B3GALT1: variants seen among roughly 807,000 people sequenced by gnomAD.
B3GALT1 encodes UDP-Gal:betaGlcNAc beta 1,3-galactosyltransferase, polypeptide 1.
In B3GALT1, 10 loss-of-function variants were observed where a neutral mutation model predicts 23.2. The observed-to-expected ratio is 0.43, with a 90% CI of 0.27 to 0.73. The LOEUF (loss-of-function observed/expected upper bound fraction) is 0.73, where lower values mean the gene tolerates loss of function less well. Ranked by LOEUF, B3GALT1 falls within the 30% of genes least tolerant of loss-of-function variation. B3GALT1 has a pLI of 0.21. For synonymous variants in B3GALT1, 156 were observed against 141.5 expected, an observed-to-expected ratio of 1.10 and a Z score of -0.73; for missense variants, 299 against 405.4, an observed-to-expected ratio of 0.74 and a Z score of 2.25.
chr2:167,654,163 A>C (rs529408746), intron 3 of B3GALT1, among the ~76,000 whole-genome samples: 1 of 152,214 alleles, frequency 6.6e-6, no homozygotes, highest in African/African-American at 2.4e-5. Flanking sequence ...TCTCTTCCAG[A>C]AAATGGAAAT....
At chr2:167,787,111 A>G (rs1025650370) in intron 3 of B3GALT1, among the ~76,000 whole-genome samples, 2 of 152,224 alleles carry the variant, frequency 1.3e-5, no homozygotes, top group African/African-American at 2.4e-5. Flanking sequence ...CAGGATGCCT[A>G]AATTCAGCTG....
intron 2 of B3GALT1, among the ~76,000 whole-genome samples, chr2:167,567,514 A>G (rs1684194138): frequency 6.6e-6 from 1 of 152,140 alleles, no homozygotes; most frequent in Non-Finnish European, 1.5e-5. Context: ...AAAAATATCT[A>G]CTGTCACTAT....
At chr2:167,392,889 A>G (rs1221551451) in intron 1 of B3GALT1, among the ~76,000 whole-genome samples, 1 of 152,192 alleles carries the variant, frequency 6.6e-6, no homozygotes, top group Non-Finnish European at 1.5e-5. Context: ...ACTCTCCTCT[A>G]GAACGAACAC....
chr2:167,675,887 TA>T (rs1408318677), intron 3 of B3GALT1, among the ~76,000 whole-genome samples: 10 of 151,242 alleles, frequency 6.6e-5, no homozygotes, highest in Non-Finnish European at 1.3e-4. Context: ...GGGTATCTAG[TA>T]TCCCTAGCCC....
At chr2:167,640,591 G>A (rs1300731045) in intron 2 of B3GALT1, among the ~76,000 whole-genome samples, 1 of 151,860 alleles carries the variant, frequency 6.6e-6, no homozygotes, top group African/African-American at 2.4e-5. Context: ...TAGCTGAGTA[G>A]ATATTGTGCA....
intron 3 of B3GALT1, among the ~76,000 whole-genome samples, chr2:167,702,088 A>G (rs912145889): frequency 6.6e-6 from 1 of 152,232 alleles, no homozygotes; most frequent in Non-Finnish European, 1.5e-5. Context: ...ACTAAACCCC[A>G]GAGCAGTGGC....
chr2:167,435,384 A>T (rs1698766214), intron 1 of B3GALT1, among the ~76,000 whole-genome samples: 1 of 149,150 alleles, frequency 6.7e-6, no homozygotes, highest in African/African-American at 2.5e-5. Flanking sequence ...AAATAGGAAA[A>T]AGGGAAGAAA....
intron 3 of B3GALT1, among the ~76,000 whole-genome samples, chr2:167,730,725 T>C (rs540419329): frequency 6.6e-6 from 1 of 152,186 alleles, no homozygotes; most frequent in Non-Finnish European, 1.5e-5. Context: ...AGCAGGAAAC[T>C]GAATAAAATT....
intron 2 of B3GALT1, among the ~76,000 whole-genome samples, chr2:167,621,183 G>A (rs981910807): frequency 6.6e-6 from 1 of 150,418 alleles, no homozygotes; most frequent in Non-Finnish European, 1.5e-5. Flanking sequence ...TGACCTCTGG[G>A]GCTCAAGCAA....
intron 1 of B3GALT1, among the ~76,000 whole-genome samples, chr2:167,348,224 A>T (rs1055886400): frequency 5.9e-5 from 9 of 152,194 alleles, no homozygotes; most frequent in South Asian, 2.1e-4. Context: ...TGAAAATTTC[A>T]GGAAGTTTAG....
At chr2:167,691,076 T>C (rs958555416) in intron 3 of B3GALT1, among the ~76,000 whole-genome samples, 1 of 152,058 alleles carries the variant, frequency 6.6e-6, no homozygotes, top group Non-Finnish European at 1.5e-5. Flanking sequence ...TATAAATAAT[T>C]GATGTTTAAA....
At chr2:167,676,777 T>C (rs1686434997) in intron 3 of B3GALT1, among the ~76,000 whole-genome samples, 1 of 152,084 alleles carries the variant, frequency 6.6e-6, no homozygotes. Context: ...CCTCAAGTGA[T>C]CCACCTGCCT....
chr2:167,776,445 A>G (rs1039564931), intron 3 of B3GALT1, among the ~76,000 whole-genome samples: 2 of 152,240 alleles, frequency 1.3e-5, no homozygotes, highest in African/African-American at 2.4e-5. Context: ...CTAAAGTATG[A>G]AAGACAGAGC....
intron 1 of B3GALT1, among the ~76,000 whole-genome samples, chr2:167,305,353 T>C (rs1696534188): frequency 6.6e-6 from 1 of 152,164 alleles, no homozygotes; most frequent in African/African-American, 2.4e-5. Context: ...ATTACCTTTG[T>C]TGAAAGTGCC....
intron 1 of B3GALT1, among the ~76,000 whole-genome samples, chr2:167,307,797 A>G (rs1375279921): frequency 1.3e-5 from 2 of 151,840 alleles, no homozygotes; most frequent in Admixed American, 6.6e-5. Context: ...TTCACTCTCT[A>G]CTCCTCTAAA....
At chr2:167,765,470 C>T (rs1004637924) in intron 3 of B3GALT1, among the ~76,000 whole-genome samples, 2 of 152,206 alleles carry the variant, frequency 1.3e-5, no homozygotes, top group Admixed American at 1.3e-4. Flanking sequence ...GCAAATGACA[C>T]ATTGCTAGTG....
rs958323878 is a variant in B3GALT1 at position 167,870,629 on chromosome 2, G to T, written c.*609G>T. On this transcript the variant is annotated 3_prime_UTR_variant, in exon 5 of 5. Coordinates refer to ENST00000392690, the MANE Select transcript of B3GALT1 (RefSeq NM_020981.4). ...ATGTGTTTGGAAGACAACTCTGCTT[G>T]CTCATCCAAGGATTAAATCTGGTCA... The T allele has an allele frequency of 6.0e-6, 1 of 167,020 alleles. No individual in the cohort carries two copies. The highest frequency in any genetic ancestry group is 2.4e-5 in the African/African-American group (1 of 41,444). 10.3% of individuals were successfully genotyped at this position (167,020 alleles called of 1,614,324 possible).
intron 2 of B3GALT1, among the ~76,000 whole-genome samples, chr2:167,636,354 G>T (rs891297192): frequency 6.6e-6 from 1 of 151,328 alleles, no homozygotes; most frequent in African/African-American, 2.4e-5. Context: ...TCTGTAAGAA[G>T]GTAGGTACTC....
At chr2:167,324,053 G>A (rs1262119145) in intron 1 of B3GALT1, among the ~76,000 whole-genome samples, 2 of 151,958 alleles carry the variant, frequency 1.3e-5, no homozygotes, top group Admixed American at 6.6e-5. Flanking sequence ...GGTGCTGTGG[G>A]CTCACATGTG....
Sources: allele counts gnomAD v4.1 joint callset (sites outside exome capture counted in the v4.1 genomes callset), GRCh38; gene constraint gnomAD v4.1.1; transcripts MANE v1.5; gene names NCBI Gene and HGNC (gene_info 2026-07-23, HGNC 2026-07-21).